The following BCL2L14 variants were observed in gnomAD, a reference collection of about 807,000 sequenced individuals.
BCL2L14 encodes BCL2 like 14.
A neutral mutation model predicts 35.3 loss-of-function variants in BCL2L14; 27 were observed. The ratio of observed to expected loss-of-function variants is 0.76; its 90% CI spans 0.56 to 1.05. BCL2L14 has a LOEUF of 1.05. Ranked by LOEUF, BCL2L14 falls within the 50% of genes least tolerant of loss-of-function variation. The pLI is 0.00. For missense variants in BCL2L14, 377 were observed against 382.6 expected (o/e 0.99, Z 0.12); for synonymous variants, 139 against 145.9 (o/e 0.95, Z 0.34).
At chr12:12,089,146 C>T (rs771994487) in intron 3 of BCL2L14, among the ~76,000 whole-genome samples, 2 of 152,130 alleles carry the variant, frequency 1.3e-5, no homozygotes, top group African/African-American at 4.8e-5. Context: ...GCAGGTGGAT[C>T]GCCTGAGGTC....
chr12:12,080,322 C>T (rs1382129656), intron 2 of BCL2L14, among the ~76,000 whole-genome samples: 1 of 150,556 alleles, frequency 6.6e-6, no homozygotes, highest in South Asian at 2.1e-4. Context: ...GTACCAGACA[C>T]CAATATAAAA....
At chr12:12,076,048 C>T (rs1220400534) in intron 1 of BCL2L14, among the ~76,000 whole-genome samples, 1 of 150,214 alleles carries the variant, frequency 6.7e-6, no homozygotes, top group Non-Finnish European at 1.5e-5. Flanking sequence ...TATAGGGTCA[C>T]CAGATGTCCA....
At chr12:12,093,794 G>GAAA (rs36147842) in intron 4 of BCL2L14, among the ~76,000 whole-genome samples, 37,320 of 131,470 alleles carry the variant, frequency 0.28, 6,081 homozygotes, top group East Asian at 0.46. Context: ...CTCCATCTCA[G>GAAA]AAAAAAAAAA....
chr12:12,087,402 C>T lies in BCL2L14; in HGVS notation c.607+16C>T. 1 of 1,612,472 alleles carries T rather than the reference C, an allele frequency of 6.2e-7. No homozygotes were observed. The highest frequency in any genetic ancestry group is 8.5e-7 in the Non-Finnish European group (1 of 1,179,170). On this transcript the variant is annotated intron_variant, in intron 3 of 5. Transcript: ENST00000308721. ...TCTAAGAAAGGTAAGCTTTCCTTCCCTGGGTGGAGTGTTTGCCAGGCAGGG... is the reference window on the plus strand; with the variant it reads ...TCTAAGAAAGGTAAGCTTTCCTTCCTTGGGTGGAGTGTTTGCCAGGCAGGG...
intron 2 of BCL2L14, among the ~76,000 whole-genome samples, chr12:12,065,461 G>C (rs910095285): frequency 1.1e-4 from 16 of 151,854 alleles, no homozygotes; most frequent in African/African-American, 3.9e-4. Flanking sequence ...GCTTGAACCG[G>C]GGAGGCGGAG....
intron 5 of BCL2L14, 165 bp downstream of exon 5, chr12:12,095,095 A>G (rs536964229): frequency 1.0e-6 from 1 of 985,150 alleles, no homozygotes; most frequent in South Asian, 4.7e-5. Flanking sequence ...ACATATTTTT[A>G]GTGATTATCT....
intron 1 of BCL2L14, chr12:12,072,435 G>A (rs1948687899): frequency 6.6e-6 from 1 of 152,388 alleles, no homozygotes; most frequent in Non-Finnish European, 1.5e-5. Flanking sequence ...GCCACCTCGG[G>A]GAGGGAAAGA....
At chr12:12,089,572 C>G (rs1949130331) in intron 3 of BCL2L14, among the ~76,000 whole-genome samples, 1 of 151,816 alleles carries the variant, frequency 6.6e-6, no homozygotes, top group Non-Finnish European at 1.5e-5. Flanking sequence ...GTGGCACACA[C>G]CTGTAGTCCC....
intron 2 of BCL2L14, among the ~76,000 whole-genome samples, chr12:12,065,253 C>A (rs1386746667): frequency 6.6e-6 from 1 of 152,032 alleles, no homozygotes; most frequent in Non-Finnish European, 1.5e-5. Context: ...CAAGACAGGC[C>A]GGGTGCAGTG....
At chr12:12,062,528 A>C (rs1230369671) in intron 2 of BCL2L14, among the ~76,000 whole-genome samples, 10 of 150,050 alleles carry the variant, frequency 6.7e-5, no homozygotes, top group Non-Finnish European at 1.2e-4. Flanking sequence ...CTATTCTACT[A>C]CTCCTCAGGG....
chr12:12,085,757 G>T (rs1641724), intron 2 of BCL2L14, among the ~76,000 whole-genome samples: 32,189 of 151,972 alleles, frequency 0.21, 3,917 homozygotes, highest in Non-Finnish European at 0.28. Context: ...GAGCCACCTT[G>T]GCAGCTGCAT....
intron 2 of BCL2L14, 109 bp downstream of exon 2, chr12:12,079,847 G>A (rs569139244): frequency 6.0e-5 from 67 of 1,111,600 alleles, no homozygotes; most frequent in Admixed American, 1.6e-4. Context: ...GAAGGCATGC[G>A]TTGTGCCTCA....
At chr12:12,093,505 G>T (rs56799768) in intron 4 of BCL2L14, among the ~76,000 whole-genome samples, 1 of 152,056 alleles carries the variant, frequency 6.6e-6, no homozygotes, top group African/African-American at 2.4e-5. Context: ...AGAAAATGAA[G>T]GCTGGGTACG....
At chr12:12,074,504 T>A (rs903517884) in intron 1 of BCL2L14, among the ~76,000 whole-genome samples, 1 of 152,222 alleles carries the variant, frequency 6.6e-6, no homozygotes, top group Non-Finnish European at 1.5e-5. Flanking sequence ...AGTGGCACCA[T>A]CTCAGCTCAC....
At chr12:12,067,645 C>T (rs565396159), upstream of BCL2L14, among the ~76,000 whole-genome samples, 4 of 152,312 alleles carry the variant, frequency 2.6e-5, no homozygotes, top group South Asian at 2.1e-4. Context: ...AAAGAAGGGA[C>T]GTCCACCAAA....
At chr12:12,076,008 T>C (rs112155013) in intron 1 of BCL2L14, among the ~76,000 whole-genome samples, 3 of 151,174 alleles carry the variant, frequency 2.0e-5, no homozygotes, top group South Asian at 2.1e-4. Flanking sequence ...AGATTGGTCA[T>C]TGGGAACAGG....
In BCL2L14 at chr12:12,050,833, AAAGAATGGCCGTGC is replaced by A. The variant is rs1457613082; in HGVS notation, c.-324+881_-324+894del. Among the ~76,000 whole-genome samples, 5 of 151,922 alleles carry A rather than the reference AAAGAATGGCCGTGC, an allele frequency of 3.3e-5. No homozygotes were observed. In the East Asian group the frequency reaches 9.7e-4, roughly 29 times the overall value. Reference sequence around the variant, plus strand: ...AAAAAAGAAAAGAAAAGAAAAGAAAAAAGAATGGCCGTGCATAAATCTCATAATGTTTTAAGAAA... The same window carrying A: ...AAAAAAGAAAAGAAAAGAAAAGAAAAATAAATCTCATAATGTTTTAAGAAA... On this transcript the variant is annotated intron_variant, in intron 1 of 3. Transcript: ENST00000461264.
intron 5 of BCL2L14, chr12:12,096,225 TTAATA>T (rs1294839808): frequency 1.1e-6 from 1 of 896,370 alleles, no homozygotes; most frequent in East Asian, 1.2e-4. Context: ...GTTAGTCCTC[TTAATA>T]TATTTTCTCA....
At chr12:12,050,141 GAA>G (rs1565430511) in intron 1 of BCL2L14, among the ~76,000 whole-genome samples, 1 of 152,176 alleles carries the variant, frequency 6.6e-6, no homozygotes, top group Admixed American at 6.5e-5. Context: ...CCAGGTGGCA[GAA>G]ACACTCAGGG....
Sources: gnomAD v4.1 joint callset for allele counts (sites outside exome capture counted in the v4.1 genomes callset) on GRCh38, gnomAD v4.1.1 for gene constraint, MANE v1.5 for transcripts, NCBI Gene and HGNC (gene_info 2026-07-23, HGNC 2026-07-21) for gene names.